Variants in PCDHGA1 observed in about 807,000 individuals in gnomAD.
PCDHGA1 encodes protocadherin gamma subfamily A, 1, also known as protocadherin gamma-A1.
PCDHGA1 carries 32 observed loss-of-function variants against 58.0 expected under a neutral mutation model. The ratio of observed to expected loss-of-function variants is 0.55; its 90% CI spans 0.42 to 0.74. PCDHGA1 has a LOEUF of 0.74. Among genes scored for constraint, PCDHGA1 ranks in the 30% least tolerant of loss-of-function variants. The probability of loss-of-function intolerance (pLI) is 0.00; values close to 1 mark genes in which losing one functional copy is unlikely to be tolerated. For synonymous variants in PCDHGA1, 498 were observed against 501.1 expected (o/e 0.99, Z 0.08); for missense variants, 1,205 against 1,182.3 (o/e 1.02, Z -0.28).
rs764055095 is a variant in PCDHGA1, at chr5:141,385,083, A to G, written c.2421+51978A>G. ...ACAAGTCACGCCTGCTGCAGGCTTC[A>G]GAAGGTGGCTTGGCGAACGTGCCCA... On this transcript the variant is annotated intron_variant, in intron 1 of 3. Coordinates refer to ENST00000517417, the MANE Select transcript of PCDHGA1 (RefSeq NM_018912.3). 18 of 1,614,084 alleles carry G rather than the reference A, an allele frequency of 1.1e-5. No homozygotes were observed. The Admixed American group carries it at 3.0e-4, about 27-fold the overall frequency.
At chr5:141,483,801 C>CT (rs1486591615) in intron 1 of PCDHGA1, among the ~76,000 whole-genome samples, 8 of 152,168 alleles carry the variant, frequency 5.3e-5, no homozygotes, top group Non-Finnish European at 8.8e-5. Flanking sequence ...GTTGTTGCTG[C>CT]TTTTTTTGGC....
intron 1 of PCDHGA1, chr5:141,409,995 CG>C: frequency 1.2e-6 from 2 of 1,613,308 alleles, no homozygotes; most frequent in Non-Finnish European, 1.7e-6. Context: ...GACGCCGACT[CG>C]GGACACAACG....
rs765754054 is a variant in PCDHGA1 at position 141,503,598 on chromosome 5, CA to C, written c.2481-1779del. Among the ~76,000 whole-genome samples, 277 of 65,728 alleles carry C rather than the reference CA, an allele frequency of 4.2e-3. 2 individuals are homozygous for C. The highest frequency in any genetic ancestry group is 0.012 in the Middle Eastern group (1 of 86). The allele number at this position is 65,728 out of a possible 152,430, so 43.1% of individuals were successfully genotyped here. A position where few individuals can be genotyped will look rare whatever the true frequency, so the allele number is the denominator to read the frequency against. ...TGGGTGACAGAGCGAGACTCCAGCT[CA>C]AAAAAAAAAAAAAAAGAAAAAAGAA... On this transcript the variant is annotated intron_variant, in intron 2 of 3. Coordinates refer to ENST00000517417, the MANE Select transcript of PCDHGA1 (RefSeq NM_018912.3).
At chr5:141,411,783 G>C (rs1191623081) in intron 1 of PCDHGA1, 1 of 152,338 alleles carries the variant, frequency 6.6e-6, no homozygotes, top group Non-Finnish European at 1.5e-5. Context: ...TCTGGTGGCT[G>C]TGGTGGGAGA....
chr5:141,431,607 A>G lies in PCDHGA1; in HGVS notation c.2422-63200A>G. ...GCGGAAGTGAGGTATTCCTTCCGGT[A>G]TGTGGACGACAAGGCGGCCCAAGTT... is the stretch of plus-strand genomic sequence containing the variant. On this transcript the variant is annotated intron_variant, in intron 1 of 3. Transcript: ENST00000517417. The surrounding 1 kb of genome is among the most constrained non-coding windows in gnomAD (Gnocchi z 4.8). 6.2e-7 allele frequency: 1 copy of G among 1,614,230 alleles called. No individual in the cohort carries two copies. Among genetic ancestry groups the G allele is most frequent in the Non-Finnish European group, 8.5e-7 (1 of 1,180,040 alleles).
chr5:141,453,559 C>T (rs2098769120), intron 1 of PCDHGA1, among the ~76,000 whole-genome samples: 1 of 152,126 alleles, frequency 6.6e-6, no homozygotes, highest in Non-Finnish European at 1.5e-5. Context: ...TGTAGATAAT[C>T]GATTTCATTA....
intron 1 of PCDHGA1, chr5:141,350,778 A>G: frequency 1.2e-6 from 2 of 1,613,974 alleles, no homozygotes; most frequent in Non-Finnish European, 1.7e-6. Context: ...AACCCCAATC[A>G]ATACTTCTCT....
At chr5:141,425,918 CG>C (rs2096903264) in intron 1 of PCDHGA1, among the ~76,000 whole-genome samples, 1 of 152,200 alleles carries the variant, frequency 6.6e-6, no homozygotes, top group Admixed American at 6.5e-5. Context: ...ACAGTCACTA[CG>C]AAAACTCATA....
intron 1 of PCDHGA1, chr5:141,383,573 C>T: frequency 8.1e-6 from 13 of 1,613,346 alleles, no homozygotes; most frequent in Non-Finnish European, 1.1e-5. Context: ...CGATCCAGCA[C>T]CGCCCACATC....
In PCDHGA1 at chr5:141,345,714, G is replaced by C. The variant is rs2149738198; in HGVS notation, c.2421+12609G>C. On this transcript the variant is annotated intron_variant, in intron 1 of 3. Coordinates refer to ENST00000517417, the MANE Select transcript of PCDHGA1 (RefSeq NM_018912.3). ...GCTGGACCAGAACGACAACGCGCCC[G>C]AGATCCTGTACCCCGCCCTCCCCAC... 6.2e-7 allele frequency: 1 copy of C among 1,614,236 alleles called. No homozygotes were observed. Among genetic ancestry groups the C allele is most frequent in the Non-Finnish European group, 8.5e-7 (1 of 1,180,046 alleles).
intron 1 of PCDHGA1, chr5:141,405,537 A>G (rs2094682119): frequency 3.1e-6 from 2 of 643,630 alleles, no homozygotes; most frequent in Middle Eastern, 4.2e-4. Context: ...CTCCTGCCTC[A>G]GCCTCCCAAG....
chr5:141,389,378 G>A (rs574837458), intron 1 of PCDHGA1: 4 of 1,613,766 alleles, frequency 2.5e-6, no homozygotes, highest in African/African-American at 2.7e-5. Flanking sequence ...AGCAGCGGGA[G>A]CTGTCATCCT....
chr5:141,360,401 G>A, intron 1 of PCDHGA1: 1 of 1,613,972 alleles, frequency 6.2e-7, no homozygotes. Context: ...GTGAGTGACA[G>A]AATAGACCGA....
chr5:141,415,747 T>TTTG, intron 1 of PCDHGA1: 1 of 797,602 alleles, frequency 1.3e-6, no homozygotes, highest in East Asian at 4.8e-5. Flanking sequence ...AAGGTTTTTT[T>TTTG]TTTTTTTTTT....
At chr5:141,421,994 T>A (rs765586654) in intron 1 of PCDHGA1, 3 of 1,608,922 alleles carry the variant, frequency 1.9e-6, no homozygotes, top group Non-Finnish European at 2.5e-6. Flanking sequence ...CCAGAAAACA[T>A]CAGCTCCGGA....
rs191053275 is a variant in PCDHGA1, at chr5:141,384,800, A to T, written c.2421+51695A>T. 1,106 of 1,613,428 alleles carry T rather than the reference A, an allele frequency of 6.9e-4. 2 individuals are homozygous for T. In the Middle Eastern group the frequency reaches 0.018, roughly 27 times the overall value. ...GTGCGCACGGCTCGGGCCCTGCTGGACAGAGATGCCCTCAAGCAGAGCCTC... is the reference window on the plus strand; with the variant it reads ...GTGCGCACGGCTCGGGCCCTGCTGGTCAGAGATGCCCTCAAGCAGAGCCTC... On this transcript the variant is annotated intron_variant, in intron 1 of 3. Transcript: ENST00000517417.
chr5:141,430,413 A>G lies in PCDHGA1; in HGVS notation c.2422-64394A>G, dbSNP rs1437560579. ...AAAAAAAAAGCTCACTAAAGTTTCTATTAAAGCGAATACGGTAGATTTCCA... is the reference window on the plus strand; with the variant it reads ...AAAAAAAAAGCTCACTAAAGTTTCTGTTAAAGCGAATACGGTAGATTTCCA... On this transcript the variant is annotated intron_variant, in intron 1 of 3. Coordinates refer to ENST00000517417, the MANE Select transcript of PCDHGA1 (RefSeq NM_018912.3). Among the ~76,000 whole-genome samples the G allele has an allele frequency of 2.0e-5, 3 of 151,870 alleles. No homozygotes were observed. In the South Asian group the frequency reaches 6.2e-4, roughly 31 times the overall value.
rs1756404173 is a variant in PCDHGA1 at position 141,332,378 on chromosome 5, C to A, written c.1694C>A (p.Pro565His). Reference protein sequence around the residue: ...QNDNAPEILYPALPTDGSTGV... With the variant: ...QNDNAPEILYHALPTDGSTGV... ...GACAACGCGCCCGAGATCCTGTACC[C>A]CGCCCTCCCCACAGATGGTTCTACC... Residue 565 changes from proline (P) to histidine (H), a missense_variant, in exon 1 of 4, where the codon CCC (proline) becomes CAC (histidine). Coordinates refer to ENST00000517417, the MANE Select transcript of PCDHGA1 (RefSeq NM_018912.3). The surrounding 1 kb of genome is among the most constrained non-coding windows in gnomAD (Gnocchi z 4.6). 1.2e-6 allele frequency: 2 copies of A among 1,614,228 alleles called. No individual in the cohort carries two copies. The highest frequency in any genetic ancestry group is 1.7e-6 in the Non-Finnish European group (2 of 1,180,036).
chr5:141,409,357 T>A, intron 1 of PCDHGA1: 2 of 1,613,968 alleles, frequency 1.2e-6, no homozygotes, highest in Non-Finnish European at 1.7e-6. Context: ...TCAGGTGTAA[T>A]ATAGAAACAG....
Sources: gnomAD v4.1 joint callset for allele counts (sites outside exome capture counted in the v4.1 genomes callset) on GRCh38, gnomAD v4.1.1 for gene constraint, Gnocchi (gnomAD v3.1) non-coding constraint, MANE v1.5 for transcripts, NCBI Gene and HGNC (gene_info 2026-07-23, HGNC 2026-07-21) for gene names.